ARHGEF9: variants seen among roughly 807,000 people sequenced by gnomAD.
The protein encoded by ARHGEF9 is Cdc42 guanine nucleotide exchange factor 9, also known as rho guanine nucleotide exchange factor 9.
A neutral mutation model predicts 41.3 loss-of-function variants in ARHGEF9; 2 were observed. The observed-to-expected ratio is 0.05, with a 90% CI of 0.02 to 0.15. The LOEUF is 0.15. Ranked by LOEUF, ARHGEF9 falls within the 10% of genes least tolerant of loss-of-function variation. ARHGEF9 has a pLI of 1.00. For missense variants in ARHGEF9, 225 were observed against 424.7 expected, an observed-to-expected ratio of 0.53 and a Z score of 4.13; for synonymous variants, 160 against 154.4, an observed-to-expected ratio of 1.04 and a Z score of -0.27.
chrX:63,741,968 T>C (rs1439053075), intron 1 of ARHGEF9, among the ~76,000 whole-genome samples: 2 of 112,490 alleles, frequency 1.8e-5, no homozygotes, highest in Non-Finnish European at 3.8e-5. Context: ...GGTACGGGCA[T>C]AGAGCATGGA....
intron 1 of ARHGEF9, among the ~76,000 whole-genome samples, chrX:63,725,505 C>T (rs1158718063): frequency 1.8e-5 from 2 of 112,111 alleles, no homozygotes; most frequent in Non-Finnish European, 3.8e-5. Flanking sequence ...ATGGAATGCA[C>T]GCTAACCCTG....
Position 63,646,318 on chromosome X carries a change from G to A in ARHGEF9, c.1322-2270C>T, listed in dbSNP as rs182405123. On this transcript the variant is annotated intron_variant, in intron 8 of 9. Coordinates refer to ENST00000671741, the MANE Select transcript of ARHGEF9 (RefSeq NM_001353921.2). ...AAGTCCTTGCCCATGCGTATGTCCC[G>A]AATGATACTGCCTAGGTTTTCTTCT... is the stretch of plus-strand genomic sequence containing the variant. Among the ~76,000 whole-genome samples the A allele has an allele frequency of 2.5e-3, 280 of 111,962 alleles. 2 individuals carry two copies. The highest frequency in any genetic ancestry group is 3.8e-3 in the Non-Finnish European group (204 of 53,240).
At chrX:63,744,660 G>A (rs782771186) in intron 1 of ARHGEF9, among the ~76,000 whole-genome samples, 1 of 111,648 alleles carries the variant, frequency 9.0e-6, no homozygotes, top group South Asian at 3.9e-4. Context: ...CAAGTGAGAC[G>A]ATGTACAAAA....
At chrX:63,706,192 C>T in intron 3 of ARHGEF9, 66 bp downstream of exon 3, 1 of 1,114,565 alleles carries the variant, frequency 9.0e-7, no homozygotes. Context: ...GGGACTGTCA[C>T]AGGCAGGGCC....
At chrX:63,760,640 A>G (rs1556449224) in intron 1 of ARHGEF9, among the ~76,000 whole-genome samples, 1 of 111,636 alleles carries the variant, frequency 9.0e-6, no homozygotes, top group Non-Finnish European at 1.9e-5. Flanking sequence ...TCAAAAGGGA[A>G]AAAGAGATCA....
intron 7 of ARHGEF9, among the ~76,000 whole-genome samples, chrX:63,661,282 A>G (rs1301378829): frequency 1.8e-5 from 2 of 111,726 alleles, no homozygotes; most frequent in Admixed American, 9.6e-5. Flanking sequence ...TCTGCCCAAC[A>G]TCATTACACG....
intron 1 of ARHGEF9, among the ~76,000 whole-genome samples, chrX:63,763,430 TTC>T (rs782398472): frequency 7.8e-4 from 83 of 106,517 alleles, no homozygotes; most frequent in Middle Eastern, 4.8e-3. Context: ...TCTTAATAAG[TTC>T]TCTCTCTCTC....
At chrX:63,669,674 T>C (rs2049819595) in intron 6 of ARHGEF9, among the ~76,000 whole-genome samples, 1 of 111,724 alleles carries the variant, frequency 9.0e-6, no homozygotes, top group Non-Finnish European at 1.9e-5. Context: ...TCTGGAATTC[T>C]GTGCCCCAAG....
intron 8 of ARHGEF9, among the ~76,000 whole-genome samples, chrX:63,647,716 G>C: frequency 9.0e-6 from 1 of 111,048 alleles, no homozygotes; most frequent in Non-Finnish European, 1.9e-5. Context: ...TCTCTGCCAG[G>C]CTTTGGTATC....
intron 5 of ARHGEF9, among the ~76,000 whole-genome samples, chrX:63,677,151 A>G (rs1342112742): frequency 1.8e-5 from 2 of 112,001 alleles, no homozygotes; most frequent in Non-Finnish European, 3.8e-5. Context: ...GCTGTGGTCC[A>G]GCCTAACCCT....
At chrX:63,697,037 G>T in intron 4 of ARHGEF9, 88 bp downstream of exon 4, 1 of 1,012,924 alleles carries the variant, frequency 9.9e-7, no homozygotes, top group Non-Finnish European at 1.3e-6. Flanking sequence ...CAGGAAAAAG[G>T]AGCTGAACAG....
At chrX:63,681,249 C>T (rs1260785345) in intron 4 of ARHGEF9, among the ~76,000 whole-genome samples, 1 of 111,966 alleles carries the variant, frequency 8.9e-6, no homozygotes, top group Admixed American at 9.5e-5. Flanking sequence ...ATTCTAGTCT[C>T]ACTACCACAT....
At chrX:63,742,935 C>A (rs2055046104) in intron 1 of ARHGEF9, among the ~76,000 whole-genome samples, 1 of 112,182 alleles carries the variant, frequency 8.9e-6, no homozygotes, top group South Asian at 3.7e-4. Flanking sequence ...TCTTGATTAA[C>A]TTTTGTAAAA....
intron 1 of ARHGEF9, among the ~76,000 whole-genome samples, chrX:63,769,752 G>A (rs782245824): frequency 2.7e-4 from 30 of 112,614 alleles, no homozygotes; most frequent in African/African-American, 8.4e-4. Context: ...TGCAAGGCCC[G>A]AGCCTTGGCA....
chrX:63,749,522 C>T (rs185712326), intron 1 of ARHGEF9, among the ~76,000 whole-genome samples: 113 of 112,555 alleles, frequency 1.0e-3, no homozygotes, highest in Non-Finnish European at 1.7e-3. Context: ...TGAGCCACCA[C>T]GTCAGGCCCT....
chrX:63,701,611 C>T (rs1265701024), intron 3 of ARHGEF9: 1 of 111,755 alleles, frequency 8.9e-6, no homozygotes, highest in Non-Finnish European at 1.9e-5. Context: ...CTTTTATTTC[C>T]TTCTTCCTCT....
chrX:63,674,881 A>T (rs1468093016), intron 5 of ARHGEF9, among the ~76,000 whole-genome samples: 2 of 111,188 alleles, frequency 1.8e-5, no homozygotes, highest in African/African-American at 6.5e-5. Context: ...GAAATGCATG[A>T]GGCTAGAAAG....
intron 3 of ARHGEF9, among the ~76,000 whole-genome samples, chrX:63,703,591 C>T (rs1556398049): frequency 1.4e-4 from 16 of 112,168 alleles, no homozygotes. Flanking sequence ...TATCGAGCAT[C>T]TACTATGTAC....
chrX:63,666,248 G>A (rs1292194838), intron 6 of ARHGEF9, among the ~76,000 whole-genome samples: 1 of 107,007 alleles, frequency 9.3e-6, no homozygotes, highest in African/African-American at 3.4e-5. Flanking sequence ...CCTGCCACCC[G>A]GGACTGCTAC....
Sources: allele counts gnomAD v4.1 joint callset (sites outside exome capture counted in the v4.1 genomes callset), GRCh38; gene constraint gnomAD v4.1.1; transcripts MANE v1.5; gene names NCBI Gene and HGNC (gene_info 2026-07-23, HGNC 2026-07-21).